The following KDM4B variants were observed in gnomAD, a reference collection of about 807,000 sequenced individuals.
The protein encoded by KDM4B is lysine-specific demethylase 4B.
KDM4B carries 32 observed loss-of-function variants against 125.2 expected under a neutral mutation model. The observed-to-expected ratio is 0.26, with a 90% CI of 0.19 to 0.34. KDM4B has a LOEUF of 0.34. Ranked by LOEUF, KDM4B falls within the 10% of genes least tolerant of loss-of-function variation. The probability of loss-of-function intolerance (pLI) is 1.00; values close to 1 mark genes in which losing one functional copy is unlikely to be tolerated. For missense variants in KDM4B, 1,190 were observed against 1,577.7 expected (o/e 0.75, Z 4.16); for synonymous variants, 721 against 677.9 (o/e 1.06, Z -0.99).
intron 1 of KDM4B, among the ~76,000 whole-genome samples, chr19:5,011,321 G>A (rs908688597): frequency 2.6e-5 from 4 of 152,222 alleles, no homozygotes; most frequent in Non-Finnish European, 5.9e-5. Context: ...ACAGGGCTTG[G>A]AAGTAGGAAC....
intron 10 of KDM4B, 120 bp from the exon 11 acceptor site, chr19:5,119,533 C>G: frequency 1.0e-6 from 1 of 999,462 alleles, no homozygotes; most frequent in Non-Finnish European, 1.5e-6. Context: ...AGGAGGCCCC[C>G]TGCTCATGGA....
chr19:4,976,943 T>G (rs767483912), intron 1 of KDM4B, among the ~76,000 whole-genome samples: 2 of 152,284 alleles, frequency 1.3e-5, no homozygotes, highest in Non-Finnish European at 2.9e-5. Flanking sequence ...TCATGCTTTC[T>G]TTCCTTGATT....
chr19:5,070,904 C>T, intron 6 of KDM4B, 106 bp from the exon 7 acceptor site: 2 of 1,175,780 alleles, frequency 1.7e-6, no homozygotes, highest in Non-Finnish European at 1.2e-6. Context: ...CACTTTGCTT[C>T]TGCCCTGGGC....
At chr19:5,092,964 C>T (rs2038742230) in intron 9 of KDM4B, among the ~76,000 whole-genome samples, 2 of 152,312 alleles carry the variant, frequency 1.3e-5, no homozygotes, top group African/African-American at 4.8e-5. Flanking sequence ...TGTCCTCTCC[C>T]CACCCAAGGT....
rs1007557473 is a variant in KDM4B, at chr19:5,146,877, G to A, written c.3021+1975G>A. Among the ~76,000 whole-genome samples, 5 of 136,298 alleles carry A rather than the reference G, an allele frequency of 3.7e-5. No homozygotes were observed. The South Asian group carries it at 1.3e-3, about 35-fold the overall frequency. 89.4% of individuals were successfully genotyped at this position (136,298 alleles called of 152,430 possible). ...GATCGCTTGAACCCAGGAGGTCGAG[G>A]ATGCAGTGAGCTGTAATTGAGCCAC... On this transcript the variant is annotated intron_variant, in intron 21 of 22. Coordinates refer to ENST00000159111, the MANE Select transcript of KDM4B (RefSeq NM_015015.3).
chr19:5,057,210 G>A (rs1420762717), intron 6 of KDM4B, among the ~76,000 whole-genome samples: 2 of 152,110 alleles, frequency 1.3e-5, no homozygotes, highest in Non-Finnish European at 2.9e-5. Flanking sequence ...TGCTGGCGGC[G>A]CCCTTGCCTC....
intron 1 of KDM4B, among the ~76,000 whole-genome samples, chr19:4,993,689 C>T (rs1409557383): frequency 2.0e-5 from 3 of 151,456 alleles, no homozygotes; most frequent in Non-Finnish European, 4.4e-5. Context: ...TGGCTCATTG[C>T]AGCCTCAGCC....
In KDM4B at chr19:5,053,678, A is replaced by G. The variant is rs146578915; in HGVS notation, c.626+6009A>G. Among the ~76,000 whole-genome samples, 146 of 152,338 alleles carry G rather than the reference A, an allele frequency of 9.6e-4. 1 individual carries two copies. The highest frequency in any genetic ancestry group is 3.0e-3 in the African/African-American group (126 of 41,592). ...ATGAGGTTATCTGGGGAGGCTCTTG[A>G]TGAGGGGTGTCCCCTCTCTGCAGAA... On this transcript the variant is annotated intron_variant, in intron 6 of 22. Transcript: ENST00000159111.
chr19:5,097,773 G>A (rs537148507), intron 9 of KDM4B, among the ~76,000 whole-genome samples: 8 of 152,354 alleles, frequency 5.3e-5, no homozygotes, highest in East Asian at 1.9e-4. Context: ...TGGGTGCAGT[G>A]TTGGCTGTTC....
intron 5 of KDM4B, among the ~76,000 whole-genome samples, chr19:5,041,806 C>T (rs1001749951): frequency 2.0e-5 from 3 of 152,246 alleles, no homozygotes; most frequent in African/African-American, 4.8e-5. Context: ...CCCCGCTGGA[C>T]GCCAGAAGTG....
intron 5 of KDM4B, among the ~76,000 whole-genome samples, chr19:5,043,118 T>C (rs2036874710): frequency 6.6e-6 from 1 of 151,708 alleles, no homozygotes; most frequent in Non-Finnish European, 1.5e-5. Context: ...GCACGGCGTT[T>C]ATCGGAGTGG....
intron 9 of KDM4B, among the ~76,000 whole-genome samples, chr19:5,099,386 G>A (rs892441859): frequency 8.5e-5 from 13 of 152,226 alleles, no homozygotes; most frequent in African/African-American, 2.9e-4. Flanking sequence ...ATATACCATA[G>A]GGAAGGGTTG....
At chr19:5,003,452 G>T (rs955539957) in intron 1 of KDM4B, among the ~76,000 whole-genome samples, 26 of 151,912 alleles carry the variant, frequency 1.7e-4, no homozygotes, top group African/African-American at 6.0e-4. Flanking sequence ...TTGCACTCCA[G>T]CCTGGGCAAC....
intron 2 of KDM4B, among the ~76,000 whole-genome samples, chr19:5,020,159 G>A (rs2036063372): frequency 6.8e-6 from 1 of 147,918 alleles, no homozygotes; most frequent in African/African-American, 2.5e-5. Flanking sequence ...GCAGGTGTTG[G>A]TGTGGATGTT....
chr19:4,989,247 G>A (rs2034952201), intron 1 of KDM4B, among the ~76,000 whole-genome samples: 1 of 152,206 alleles, frequency 6.6e-6, no homozygotes, highest in South Asian at 2.1e-4. Context: ...GGATGGTGGG[G>A]CAGGGGGGCC....
rs890158787 is a variant in KDM4B at position 5,035,764 on chromosome 19, A to T, written c.141+2733A>T. 6.6e-6 allele frequency among the ~76,000 whole-genome samples: 1 copy of T among 151,822 alleles called. No individual in the cohort carries two copies. Among genetic ancestry groups the T allele is most frequent in the Non-Finnish European group, 1.5e-5 (1 of 67,968 alleles). On this transcript the variant is annotated intron_variant, in intron 3 of 22. Transcript: ENST00000159111. The surrounding 1 kb of genome is among the most constrained non-coding windows in gnomAD (Gnocchi z 5.3). ...CAGCTCCCATGCTGCTTCTCCTTGC[A>T]CCAGTGCAGAGAATCCTTTCTCAAA...
At chr19:4,973,979 A>C (rs1450130729) in intron 1 of KDM4B, among the ~76,000 whole-genome samples, 4 of 151,938 alleles carry the variant, frequency 2.6e-5, no homozygotes, top group Non-Finnish European at 5.9e-5. Flanking sequence ...AAAATAAAAA[A>C]ATTAACTGGG....
chr19:5,051,979 G>A (rs1229782576), intron 6 of KDM4B, among the ~76,000 whole-genome samples: 2 of 152,098 alleles, frequency 1.3e-5, no homozygotes, highest in Admixed American at 6.5e-5. Flanking sequence ...TTGTGCTCCC[G>A]TGAAGGGCAC....
At chr19:5,041,924 G>A (rs2036832306) in intron 5 of KDM4B, among the ~76,000 whole-genome samples, 1 of 152,238 alleles carries the variant, frequency 6.6e-6, no homozygotes, top group Non-Finnish European at 1.5e-5. Flanking sequence ...CTGCGCTGTG[G>A]CCCGCAGGGG....
Sources: gnomAD v4.1 joint callset for allele counts (sites outside exome capture counted in the v4.1 genomes callset) on GRCh38, gnomAD v4.1.1 for gene constraint, Gnocchi (gnomAD v3.1) non-coding constraint, MANE v1.5 for transcripts, NCBI Gene and HGNC (gene_info 2026-07-23, HGNC 2026-07-21) for gene names.